The following NUP107 variants were observed in gnomAD, a reference collection of about 807,000 sequenced individuals.
NUP107 encodes nuclear pore complex protein Nup107.
NUP107 carries 101 observed loss-of-function variants against 141.0 expected under a neutral mutation model. The observed-to-expected ratio is 0.72, with a 90% confidence interval of 0.61 to 0.84. The LOEUF (loss-of-function observed/expected upper bound fraction) is 0.84, where lower values mean the gene tolerates loss of function less well. Among genes scored for constraint, NUP107 ranks in the 40% least tolerant of loss-of-function variants. NUP107 has a pLI of 0.00. For missense variants in NUP107, 941 were observed against 1,102.7 expected, an observed-to-expected ratio of 0.85 and a Z score of 2.08; for synonymous variants, 319 against 363.9, an observed-to-expected ratio of 0.88 and a Z score of 1.41.
At chr12:68,700,662 C>T in intron 6 of NUP107, 64 bp from the exon 7 acceptor site, 6 of 1,212,040 alleles carry the variant, frequency 5.0e-6, no homozygotes, top group Non-Finnish European at 6.7e-6. Context: ...TATTCAAATA[C>T]AAACTTATCA....
intron 26 of NUP107, among the ~76,000 whole-genome samples, chr12:68,740,503 C>A (rs1878279932): frequency 1.3e-5 from 2 of 152,100 alleles, no homozygotes; most frequent in Non-Finnish European, 2.9e-5. Flanking sequence ...TAGATTAGCC[C>A]AAATTAGTAC....
rs776359144 is a variant in NUP107, at chr12:68,687,051, GA to G, written c.-11del. On this transcript the variant is annotated 5_prime_UTR_variant, in exon 1 of 28. Transcript: ENST00000229179. Reference sequence around the variant, plus strand: ...CTGCAGCCAACTTTGGTTGTGTGTGGAAAAGGCTTTAGCCATGGACAGGTCA... The same window carrying G: ...CTGCAGCCAACTTTGGTTGTGTGTGGAAAGGCTTTAGCCATGGACAGGTCA... The G allele has an allele frequency of 7.4e-6, 12 of 1,614,202 alleles. No individual in the cohort carries two copies. The highest frequency in any genetic ancestry group is 1.0e-5 in the Non-Finnish European group (12 of 1,179,998).
In NUP107 at chr12:68,696,569, T is replaced by C. The variant is rs11177335; in HGVS notation, c.449-250T>C. ...CTCTACTAAAAATACAAAAATTAGC[T>C]GGGCATGGTGGTACATGCCTGTAAT... On this transcript the variant is annotated intron_variant, in intron 5 of 27. Transcript: ENST00000229179. Among the ~76,000 whole-genome samples the C allele has an allele frequency of 0.32, 47,925 of 151,384 alleles. 7,655 individuals are homozygous for C. Among genetic ancestry groups the C allele is most frequent in the Middle Eastern group, 0.34 (99 of 290 alleles).
chr12:68,731,818 G>A (rs1224180687), intron 22 of NUP107, 99 bp downstream of exon 22: 1 of 679,362 alleles, frequency 1.5e-6, no homozygotes, highest in Non-Finnish European at 2.4e-6. Flanking sequence ...GTTCTATTAG[G>A]TTTTCTTTTT....
Position 68,705,833 on chromosome 12 carries a change from C to T in NUP107, c.729+3049C>T, listed in dbSNP as rs145945113. On this transcript the variant is annotated intron_variant, in intron 8 of 27. Transcript: ENST00000229179. Reference sequence around the variant, plus strand: ...GGTAGGGGAGGCATCACCCCAGTCACGGTCAACCAGAGCCTGCTGAGCCCC... The same window carrying T: ...GGTAGGGGAGGCATCACCCCAGTCATGGTCAACCAGAGCCTGCTGAGCCCC... 2.1e-4 allele frequency: 159 copies of T among 771,730 alleles called. 1 individual carries two copies. In the African/African-American group the frequency reaches 2.1e-3, roughly 10 times the overall value. The allele number at this position is 771,730 out of a possible 1,614,324, so 47.8% of individuals were successfully genotyped here. A position where few individuals can be genotyped will look rare whatever the true frequency, so the allele number is the denominator to read the frequency against.
chr12:68,737,357 G>A (rs985782073), intron 26 of NUP107, among the ~76,000 whole-genome samples: 9 of 151,986 alleles, frequency 5.9e-5, no homozygotes, highest in Non-Finnish European at 1.2e-4. Context: ...CTGAGGTCAG[G>A]AGCTTGAGAC....
chr12:68,727,333 T>G lies in NUP107; in HGVS notation c.1696-18T>G, dbSNP rs769739209. On this transcript the variant is annotated intron_variant, in intron 19 of 27. Coordinates refer to ENST00000229179, the MANE Select transcript of NUP107 (RefSeq NM_020401.4). Reference sequence around the variant, plus strand: ...TATAAGCAGTGTATTTATAATTATGTCTTTTTTTCCTATGAAGGAGGAAGT... The same window carrying G: ...TATAAGCAGTGTATTTATAATTATGGCTTTTTTTCCTATGAAGGAGGAAGT... 3.0e-6 allele frequency: 4 copies of G among 1,355,588 alleles called. No homozygotes were observed. The highest frequency in any genetic ancestry group is 1.3e-5 in the South Asian group (1 of 78,414). The allele number at this position is 1,355,588 out of a possible 1,614,324, so 84.0% of individuals were successfully genotyped here. A position where few individuals can be genotyped will look rare whatever the true frequency, so the allele number is the denominator to read the frequency against.
At chr12:68,731,394 TTC>T in intron 21 of NUP107, 134 bp downstream of exon 21, 7 of 977,102 alleles carry the variant, frequency 7.2e-6, no homozygotes, top group African/African-American at 3.4e-5. Context: ...TTCAGGGAAT[TTC>T]TGTTTTAGGA....
intron 12 of NUP107, among the ~76,000 whole-genome samples, chr12:68,718,894 T>G (rs1026064392): frequency 2.3e-4 from 31 of 134,824 alleles, no homozygotes; most frequent in Admixed American, 8.7e-4. Flanking sequence ...ATGTATGTAT[T>G]TATTTAGTTT....
Position 68,738,450 on chromosome 12 carries a change from C to CAAA in NUP107, c.2502+3122_2502+3124dup, listed in dbSNP as rs60283225. Among the ~76,000 whole-genome samples, 406 of 89,592 alleles carry CAAA rather than the reference C, an allele frequency of 4.5e-3. 3 individuals are homozygous for CAAA. Among genetic ancestry groups the CAAA allele is most frequent in the African/African-American group, 0.019 (369 of 19,942 alleles). The allele number at this position is 89,592 out of a possible 152,430, so 58.8% of individuals were successfully genotyped here. A position where few individuals can be genotyped will look rare whatever the true frequency, so the allele number is the denominator to read the frequency against. Reference sequence around the variant, plus strand: ...TGGGCAACAAAGGGAGACTCCGTCTCAAAAAAAAAAAAAAAAAATTGGAAT... The same window carrying CAAA: ...TGGGCAACAAAGGGAGACTCCGTCTCAAAAAAAAAAAAAAAAAAAAATTGGAAT... On this transcript the variant is annotated intron_variant, in intron 26 of 27. Transcript: ENST00000229179.
rs765745172 is a variant in NUP107, at chr12:68,731,696, G to A, written c.1975G>A (p.Ala659Thr). 1.9e-6 allele frequency: 3 copies of A among 1,570,040 alleles called. No homozygotes were observed. The highest frequency in any genetic ancestry group is 2.6e-6 in the Non-Finnish European group (3 of 1,164,034). Residue 659 changes from alanine to threonine, a missense_variant, in exon 22 of 28, where the codon GCC (alanine) becomes ACC (threonine). Physicochemically the swap from Ala to Thr is moderately conservative, Grantham distance 58 (BLOSUM62 0). Transcript: ENST00000229179. Reference protein sequence around the residue: ...GEFSHHDLAPALDTGTTEEDR... With the variant: ...GEFSHHDLAPTLDTGTTEEDR... The stretch of plus-strand genomic sequence containing the variant: ...ATTTAGTCATCATGACCTGGCCCCA[G>A]CCCTAGATACTGGCACTACTGAGGT...
intron 26 of NUP107, among the ~76,000 whole-genome samples, chr12:68,736,892 GGATCTCACCATGTTGGCCAGGCT>G (rs1878097382): frequency 1.3e-5 from 2 of 151,680 alleles, no homozygotes; most frequent in Non-Finnish European, 2.9e-5. Context: ...AGTAGAGATG[GGATCTCACCATGTTGGCCAGGCT>G]GGTCTCGAAC....
In NUP107 at chr12:68,686,990, T is replaced by C. The variant is rs187986843; in HGVS notation, c.-76T>C. The C allele has an allele frequency of 0.021, 33,242 of 1,594,812 alleles. 453 individuals carry two copies. The highest frequency in any genetic ancestry group is 0.043 in the Middle Eastern group (261 of 6,006). ...CTGCTTCCGGGTCGAAGGGCTTGCT[T>C]CCGGAGAGCGGGAAGGCTAAAACGC... On this transcript the variant is annotated 5_prime_UTR_variant, in exon 1 of 28. Transcript: ENST00000229179.
Position 68,721,924 on chromosome 12 carries a change from C to A in NUP107, c.1395C>A (p.Ile465=). The change falls in exon 16 of 28, where the codon ATC becomes ATA. Residue 465 remains isoleucine (I), a synonymous_variant. Coordinates refer to ENST00000229179, the MANE Select transcript of NUP107 (RefSeq NM_020401.4). ...VMVDSLVEQE[I]QTSVATLDET... ...TGGACAGTCTGGTAGAACAGGAGATCCAGACATCAGTAGCAACTCTGGATG... is the reference window on the plus strand; with the variant it reads ...TGGACAGTCTGGTAGAACAGGAGATACAGACATCAGTAGCAACTCTGGATG... 6.2e-7 allele frequency: 1 copy of A among 1,614,036 alleles called. No individual in the cohort carries two copies. The highest frequency in any genetic ancestry group is 8.5e-7 in the Non-Finnish European group (1 of 1,179,970).
intron 8 of NUP107, chr12:68,707,200 G>C: frequency 2.4e-6 from 1 of 415,974 alleles, no homozygotes; most frequent in Non-Finnish European, 4.2e-6. Context: ...CCCGTGGGGG[G>C]AGTTTACTGC....
chr12:68,689,837 T>G (rs1875694639), intron 3 of NUP107: 1 of 458,386 alleles, frequency 2.2e-6, no homozygotes, highest in African/African-American at 2.0e-5. Flanking sequence ...TGGCCCTGTT[T>G]TACCAAAACT....
chr12:68,742,216 T>C, intron 27 of NUP107, 139 bp from the exon 28 acceptor site: 2 of 630,940 alleles, frequency 3.2e-6, no homozygotes, highest in Non-Finnish European at 2.7e-6. Context: ...TGAACCACTC[T>C]AATTTACTAG....
rs138626939 is a variant in NUP107 at position 68,716,071 on chromosome 12, T to G, written c.1083+331T>G. On this transcript the variant is annotated intron_variant, in intron 12 of 27. Coordinates refer to ENST00000229179, the MANE Select transcript of NUP107 (RefSeq NM_020401.4). ...GATTTTTGTTTTTGTTTTTGTTTTTTTTTTGAGACAGTGTCTTGCCATGTT... is the reference window on the plus strand; with the variant it reads ...GATTTTTGTTTTTGTTTTTGTTTTTGTTTTGAGACAGTGTCTTGCCATGTT... Among the ~76,000 whole-genome samples the G allele has an allele frequency of 8.0e-4, 121 of 152,124 alleles. 1 individual carries two copies. The East Asian group carries it at 8.9e-3, about 11-fold the overall frequency.
chr12:68,735,502 G>C (rs1878030848), intron 26 of NUP107, among the ~76,000 whole-genome samples, 158 bp downstream of exon 26: 1 of 152,098 alleles, frequency 6.6e-6, no homozygotes, highest in Non-Finnish European at 1.5e-5. Context: ...ACTACCTAGG[G>C]AATGGGAATA....
Sources: gnomAD v4.1 joint callset for allele counts (sites outside exome capture counted in the v4.1 genomes callset) on GRCh38, gnomAD v4.1.1 for gene constraint, MANE v1.5 for transcripts, NCBI Gene and HGNC (gene_info 2026-07-23, HGNC 2026-07-21) for gene names.